The following KLHL36 variants were observed in gnomAD, a reference collection of about 807,000 sequenced individuals.
The protein encoded by KLHL36 is kelch-like protein 36.
Under a neutral mutation model 53.3 loss-of-function variants are expected in KLHL36, and 35 were observed. The ratio of observed to expected loss-of-function variants is 0.66; its 90% CI spans 0.50 to 0.87. The LOEUF is 0.87. Ranked by LOEUF, KLHL36 falls within the 40% of genes least tolerant of loss-of-function variation. KLHL36 has a pLI of 0.00. For missense variants in KLHL36, 864 were observed against 897.6 expected, an observed-to-expected ratio of 0.96 and a Z score of 0.48; for synonymous variants, 472 against 398.9, an observed-to-expected ratio of 1.18 and a Z score of -2.18.
chr16:84,662,375 T>A lies in KLHL36; in HGVS notation c.*242T>A. 2.4e-6 allele frequency: 1 copy of A among 424,900 alleles called. No homozygotes were observed. The highest frequency in any genetic ancestry group is 4.2e-6 in the Non-Finnish European group (1 of 235,624). The allele number at this position is 424,900 out of a possible 1,614,324, so 26.3% of individuals were successfully genotyped here. ...GAGCAACCCCTTGTATCTTCACAGG[T>A]CTTTGCCCCGTGTTATGATTCCTCA... On this transcript the variant is annotated 3_prime_UTR_variant, in exon 5 of 5. Coordinates refer to ENST00000564996, the MANE Select transcript of KLHL36 (RefSeq NM_024731.4).
Position 84,663,979 on chromosome 16 carries a change from A to G in KLHL36, c.*1846A>G, listed in dbSNP as rs1907701808. The G allele has an allele frequency of 6.6e-6, 1 of 152,218 alleles. No individual in the cohort carries two copies. Among genetic ancestry groups the G allele is most frequent in the Non-Finnish European group, 1.5e-5 (1 of 68,050 alleles). 9.4% of individuals were successfully genotyped at this position (152,218 alleles called of 1,614,324 possible). ...TTACAAACTGTTGAGAGGTTCTGCG[A>G]GGCATACAAACAAACAGACCAAAAG... is the stretch of plus-strand genomic sequence containing the variant. On this transcript the variant is annotated 3_prime_UTR_variant, in exon 5 of 5. Transcript: ENST00000564996.
In KLHL36 at chr16:84,666,542, T is replaced by A. The variant is rs1907844518; in HGVS notation, c.*4409T>A. 1 of 152,208 alleles carries A rather than the reference T, an allele frequency of 6.6e-6. No homozygotes were observed. Among genetic ancestry groups the A allele is most frequent in the Non-Finnish European group, 1.5e-5 (1 of 68,052 alleles). 9.4% of individuals were successfully genotyped at this position (152,208 alleles called of 1,614,324 possible). The stretch of plus-strand genomic sequence containing the variant: ...GGAGACACCTGAGGGCTGGTCCACG[T>A]CTCACCTTTGCCATACGGGTCATTT... On this transcript the variant is annotated 3_prime_UTR_variant, in exon 5 of 5. Coordinates refer to ENST00000564996, the MANE Select transcript of KLHL36 (RefSeq NM_024731.4).
At chr16:84,650,694 T>G (rs1567554817) in intron 1 of KLHL36, among the ~76,000 whole-genome samples, 158 bp from the exon 2 acceptor site, 3 of 152,120 alleles carry the variant, frequency 2.0e-5, no homozygotes, top group African/African-American at 7.2e-5. Flanking sequence ...ATTTCTCAAC[T>G]CGGTGTAAAA....
rs1220332831 is a variant in KLHL36, at chr16:84,666,072, C to T, written c.*3939C>T. On this transcript the variant is annotated 3_prime_UTR_variant, in exon 5 of 5. Coordinates refer to ENST00000564996, the MANE Select transcript of KLHL36 (RefSeq NM_024731.4). Reference sequence around the variant, plus strand: ...AGGAGGGGAGGGGAGGGGGTGGCATCCTGGCCTCTAGGATAAATGCCTGGA... The same window carrying T: ...AGGAGGGGAGGGGAGGGGGTGGCATTCTGGCCTCTAGGATAAATGCCTGGA... The T allele has an allele frequency of 3.3e-5, 5 of 152,228 alleles. No homozygotes were observed. The highest frequency in any genetic ancestry group is 1.2e-4 in the African/African-American group (5 of 41,432). 9.4% of individuals were successfully genotyped at this position (152,228 alleles called of 1,614,324 possible).
At position 84,662,012 on chromosome 16, in the gene KLHL36, G is replaced by C; in HGVS notation, c.1730G>C (p.Arg577Thr). 1 of 1,591,038 alleles carries C rather than the reference G, an allele frequency of 6.3e-7. No homozygotes were observed. Among genetic ancestry groups the C allele is most frequent in the African/African-American group, 1.3e-5 (1 of 74,904 alleles). The change falls in exon 5 of 5, where the codon AGG becomes ACG. Residue 577 changes from arginine to threonine, a missense_variant. Physicochemically the swap from Arg to Thr is moderately conservative, Grantham distance 71. Coordinates refer to ENST00000564996, the MANE Select transcript of KLHL36 (RefSeq NM_024731.4). ...GACCGCGAGGCCGACAAGTGGAGCA[G>C]GGGCGTCGACCTGCCCAAGGCCATC... Reference protein sequence around the residue: ...VYDREADKWSRGVDLPKAIAG... With the variant: ...VYDREADKWSTGVDLPKAIAG...
chr16:84,660,778 C>T (rs1457242566), intron 4 of KLHL36, among the ~76,000 whole-genome samples: 2 of 152,172 alleles, frequency 1.3e-5, no homozygotes, highest in Non-Finnish European at 2.9e-5. Context: ...CCTGCCACCA[C>T]ACCCAGCTAA....
intron 2 of KLHL36, among the ~76,000 whole-genome samples, chr16:84,654,709 C>T (rs1295140522): frequency 2.0e-5 from 3 of 152,188 alleles, no homozygotes; most frequent in African/African-American, 7.2e-5. Context: ...CTCCGGAGTG[C>T]AAGTGATTCT....
rs1259776783 is a variant in KLHL36, at chr16:84,665,106, C to T, written c.*2973C>T. On this transcript the variant is annotated 3_prime_UTR_variant, in exon 5 of 5. Transcript: ENST00000564996. ...AGTGGCCATTTGAACCGCACAGTCA[C>T]GAATGTGGGGTTTTAAACTAGAGTG... is the stretch of plus-strand genomic sequence containing the variant. 1 of 152,182 alleles carries T rather than the reference C, an allele frequency of 6.6e-6. No homozygotes were observed. The highest frequency in any genetic ancestry group is 1.9e-4 in the East Asian group (1 of 5,202). 9.4% of individuals were successfully genotyped at this position (152,182 alleles called of 1,614,324 possible).
At chr16:84,655,687 G>T (rs1450799734) in intron 2 of KLHL36, among the ~76,000 whole-genome samples, 10 of 144,670 alleles carry the variant, frequency 6.9e-5, no homozygotes, top group East Asian at 6.0e-4. Context: ...CTGGGCAACA[G>T]AGTGAGACCC....
Position 84,657,860 on chromosome 16 carries a change from C to T in KLHL36, c.1053C>T (p.Gly351=), listed in dbSNP as rs150040885. 1.7e-4 allele frequency: 278 copies of T among 1,591,532 alleles called. No homozygotes were observed. Among genetic ancestry groups the T allele is most frequent in the Admixed American group, 1.4e-3 (78 of 57,516 alleles). The change falls in exon 3 of 5, where the codon GGC becomes GGT. Residue 351 remains glycine (G), a synonymous_variant. Coordinates refer to ENST00000564996, the MANE Select transcript of KLHL36 (RefSeq NM_024731.4). ...TGGGGGGCTTCATCTTCATCGCCGG[C>T]GGCAGCTTCTCACGGGACAACGGAG... is the stretch of plus-strand genomic sequence containing the variant. ...AVLGGFIFIA[G]GSFSRDNGGD... is the part of the protein sequence containing the mutation.
Position 84,661,226 on chromosome 16 carries a change from C to T in KLHL36, c.1296-352C>T, listed in dbSNP as rs564601014. Among the ~76,000 whole-genome samples the T allele has an allele frequency of 1.3e-5, 2 of 152,284 alleles. No homozygotes were observed. Among genetic ancestry groups the T allele is most frequent in the East Asian group, 1.9e-4 (1 of 5,182 alleles). On this transcript the variant is annotated intron_variant, in intron 4 of 4. Transcript: ENST00000564996. This position sits in a 1 kb window ranked among gnomAD's most constrained non-coding sequence, Gnocchi z 7.9. ...ATTTCCTCTTTGATGTGTGATTCAT[C>T]GGGTGCATGTGTGCCTGCTAGCTCA...
intron 1 of KLHL36, chr16:84,649,068 T>G (rs1299987036): frequency 6.6e-6 from 1 of 151,894 alleles, no homozygotes; most frequent in Non-Finnish European, 1.5e-5. Flanking sequence ...AACGCTGAGG[T>G]CGGGAGGGAG....
chr16:84,661,561 G>A lies in KLHL36; in HGVS notation c.1296-17G>A. ...AGCCCTGAGCTCTCCCTCTGTCTCT[G>A]CCCGTCGACCCTGCAGGTTCACGTA... On this transcript the variant is annotated splice_polypyrimidine_tract_variant and intron_variant, in intron 4 of 4. Coordinates refer to ENST00000564996, the MANE Select transcript of KLHL36 (RefSeq NM_024731.4). The surrounding 1 kb of genome is among the most constrained non-coding windows in gnomAD (Gnocchi z 7.9). 1 of 1,559,096 alleles carries A rather than the reference G, an allele frequency of 6.4e-7. No homozygotes were observed. The highest frequency in any genetic ancestry group is 8.7e-7 in the Non-Finnish European group (1 of 1,148,628).
chr16:84,658,925 G>T (rs950564651), intron 3 of KLHL36: 1 of 152,064 alleles, frequency 6.6e-6, no homozygotes, highest in African/African-American at 2.4e-5. Context: ...GCCTCCTCCC[G>T]AAGCCTGGCA....
At chr16:84,649,642 G>T (rs1210199803) in intron 1 of KLHL36, among the ~76,000 whole-genome samples, 2 of 152,240 alleles carry the variant, frequency 1.3e-5, no homozygotes, top group Non-Finnish European at 2.9e-5. Context: ...CTAGTTTGTC[G>T]AGAGGAATCC....
At chr16:84,659,657 C>T in intron 3 of KLHL36, 103 bp from the exon 4 acceptor site, 1 of 1,199,272 alleles carries the variant, frequency 8.3e-7, no homozygotes, top group Admixed American at 1.9e-5. Flanking sequence ...CAAACATTCT[C>T]CGGGGTTGTG....
chr16:84,660,534 C>T (rs9989398), intron 4 of KLHL36, among the ~76,000 whole-genome samples: 2,654 of 152,266 alleles, frequency 0.017, 83 homozygotes, highest in African/African-American at 0.06. Flanking sequence ...TCCCTGTTGC[C>T]GCACCCAGCA....
chr16:84,658,101 C>T (rs1907330896), intron 3 of KLHL36, 157 bp downstream of exon 3: 3 of 606,744 alleles, frequency 4.9e-6, no homozygotes, highest in South Asian at 2.9e-5. Flanking sequence ...CCGGGGCCTA[C>T]ATCCTGGACA....
At chr16:84,656,694 C>G (rs963621765) in intron 2 of KLHL36, among the ~76,000 whole-genome samples, 177 bp from the exon 3 acceptor site, 1 of 146,346 alleles carries the variant, frequency 6.8e-6, no homozygotes, top group South Asian at 2.2e-4. Flanking sequence ...AAAAAAAAAA[C>G]CACGATACAC....
Sources: allele counts gnomAD v4.1 joint callset (sites outside exome capture counted in the v4.1 genomes callset), GRCh38; gene constraint gnomAD v4.1.1; non-coding constraint Gnocchi (gnomAD v3.1); transcripts MANE v1.5; gene names NCBI Gene and HGNC (gene_info 2026-07-23, HGNC 2026-07-21).